The following STARD9 variants were observed in gnomAD, a reference collection of about 807,000 sequenced individuals.
STARD9 encodes stAR-related lipid transfer protein 9.
STARD9 carries 346 observed loss-of-function variants against 399.8 expected under a neutral mutation model. That is an observed-to-expected ratio of 0.87 (90% CI 0.79 to 0.95). STARD9 has a LOEUF of 0.95. STARD9 is among the 40% of genes least tolerant of loss of function. The pLI is 0.00. For synonymous variants in STARD9, 2,203 were observed against 2,143.5 expected (o/e 1.03, Z -0.77); for missense variants, 5,832 against 5,667.5 (o/e 1.03, Z -0.93).
At chr15:42,707,492 CAG>C (rs928422838) in intron 26 of STARD9, among the ~76,000 whole-genome samples, 7 of 135,390 alleles carry the variant, frequency 5.2e-5, no homozygotes, top group Admixed American at 4.7e-4. Context: ...TTTTTTGAGA[CAG>C]AGTCTTGCTG....
rs1344482896 is a variant in STARD9 at position 42,691,203 on chromosome 15, T to C, written c.9625T>C (p.Trp3209Arg). 2 of 1,537,268 alleles carry C rather than the reference T, an allele frequency of 1.3e-6. No individual in the cohort carries two copies. The highest frequency in any genetic ancestry group is 1.7e-6 in the Non-Finnish European group (2 of 1,146,908). ...CTGCAGCCCCCAGGAAGACAGTCCCTGGCAGGAAGAAGAGCAGCACAGAGA... is the reference window on the plus strand; with the variant it reads ...CTGCAGCCCCCAGGAAGACAGTCCCCGGCAGGAAGAAGAGCAGCACAGAGA... ...HTCSPQEDSP[W>R]QEEEQHRDQA... The change falls in exon 23 of 33, where the codon TGG (tryptophan) becomes CGG (arginine). Residue 3209 changes from tryptophan to arginine, a missense_variant. Trp to Arg is a moderately radical substitution (Grantham distance 101, BLOSUM62 -3). Around this residue, in one of 2 missense-constraint regions of STARD9, gnomAD observed 5,828 missense variants for 5,651.1 expected, o/e 1.03. Transcript: ENST00000290607.
chr15:42,639,712 A>G (rs931600620), intron 7 of STARD9, among the ~76,000 whole-genome samples: 1 of 152,040 alleles, frequency 6.6e-6, no homozygotes, highest in Non-Finnish European at 1.5e-5. Flanking sequence ...AAAATACAAA[A>G]GATTAGCTGG....
In STARD9 at chr15:42,684,238, C is replaced by G; in HGVS notation, c.2660C>G (p.Thr887Arg). The G allele has an allele frequency of 6.5e-7, 1 of 1,537,294 alleles. No homozygotes were observed. Among genetic ancestry groups the G allele is most frequent in the Non-Finnish European group, 8.7e-7 (1 of 1,146,924 alleles). ...CAGGCTGCTTCCTACCCTGCAAGGA[C>G]AGGGTGCCTCCGCAAGAACGGCCTG... ...LPQAASYPARTGCLRKNGLHS... is the reference protein window; with the variant it reads ...LPQAASYPARRGCLRKNGLHS... Residue 887 changes from threonine (T) to arginine (R), a missense_variant, in exon 23 of 33, where the codon ACA (threonine) becomes AGA (arginine). By Grantham distance (71) the Thr-to-Arg change is moderately conservative (BLOSUM62 -1). Transcript: ENST00000290607.
chr15:42,696,446 A>T (rs1485176761), intron 26 of STARD9, among the ~76,000 whole-genome samples: 1 of 152,212 alleles, frequency 6.6e-6, no homozygotes, highest in African/African-American at 2.4e-5. Context: ...AAAGAGCGAG[A>T]TGGGAAAATG....
At position 42,634,553 on chromosome 15, in the gene STARD9, A is replaced by G. The variant is rs533349467; in HGVS notation, c.235-303A>G. ...AGAGATACAGAATTATTTTGCTTGC[A>G]TATCTTTGCTCTTCTACACTCTCTT... On this transcript the variant is annotated intron_variant, in intron 3 of 32. Transcript: ENST00000290607. 1.1e-4 allele frequency among the ~76,000 whole-genome samples: 17 copies of G among 152,308 alleles called. No homozygotes were observed. In the South Asian group the frequency reaches 2.7e-3, roughly 24 times the overall value.
chr15:42,663,398 G>T lies in STARD9; in HGVS notation c.986G>T (p.Arg329Leu), dbSNP rs567604142. ...SGTSSGGAPS[R>L]RQSYIPYRDS... The stretch of plus-strand genomic sequence containing the variant: ...ACCAGCAGTGGAGGGGCACCCTCCC[G>T]AAGGCAGTCTTATATCCCATACCGA... The change falls in exon 12 of 33, where the codon CGA becomes CTA. Residue 329 changes from arginine (R) to leucine (L), a missense_variant. Physicochemically the swap from Arg to Leu is moderately radical, Grantham distance 102. Transcript: ENST00000290607. The T allele has an allele frequency of 6.5e-6, 10 of 1,537,140 alleles. No individual in the cohort carries two copies. The highest frequency in any genetic ancestry group is 1.7e-4 in the Middle Eastern group (1 of 6,012).
intron 1 of STARD9, among the ~76,000 whole-genome samples, chr15:42,577,604 T>C (rs2058084881): frequency 6.6e-6 from 1 of 152,212 alleles, no homozygotes; most frequent in Admixed American, 6.5e-5. Flanking sequence ...GTTAAGAGCC[T>C]TGAGCAGCAA....
rs190954361 is a variant in STARD9 at position 42,685,742 on chromosome 15, A to G, written c.4164A>G (p.Ala1388=). The G allele has an allele frequency of 2.0e-6, 3 of 1,537,478 alleles. No homozygotes were observed. The highest frequency in any genetic ancestry group is 3.9e-5 in the Admixed American group (2 of 51,002). ...PNTEELKPSD[A]ETVLPYSSKL... is the part of the protein sequence containing the mutation. ...CTGAGGAACTAAAGCCATCAGATGC[A>G]GAAACGGTTCTGCCATATAGCTCCA... Residue 1388 remains alanine (A), a synonymous_variant, in exon 23 of 33, where the codon GCA becomes GCG. Coordinates refer to ENST00000290607, the MANE Select transcript of STARD9 (RefSeq NM_020759.3).
At position 42,687,291 on chromosome 15, in the gene STARD9, G is replaced by A. The variant is rs1380425451; in HGVS notation, c.5713G>A (p.Gly1905Arg). 6 of 1,536,742 alleles carry A rather than the reference G, an allele frequency of 3.9e-6. No individual in the cohort carries two copies. The highest frequency in any genetic ancestry group is 1.4e-5 in the African/African-American group (1 of 73,048). Residue 1905 changes from glycine to arginine, a missense_variant, in exon 23 of 33, where the codon GGG becomes AGG. Coordinates refer to ENST00000290607, the MANE Select transcript of STARD9 (RefSeq NM_020759.3). Reference sequence around the variant, plus strand: ...TGCTTCCTCAGACAGCACTGAGTCTGGGAAGTCTCTCCTCTTTCGTGAATC... The same window carrying A: ...TGCTTCCTCAGACAGCACTGAGTCTAGGAAGTCTCTCCTCTTTCGTGAATC... ...CGASSDSTES[G>R]KSLLFRESEA...
intron 7 of STARD9, among the ~76,000 whole-genome samples, chr15:42,642,348 C>T (rs187874698): frequency 1.1e-4 from 16 of 152,246 alleles, no homozygotes; most frequent in African/African-American, 3.6e-4. Flanking sequence ...ATTTATTAGT[C>T]GAGAGATTAA....
rs1252594372 is a variant in STARD9, at chr15:42,638,759, A to G, written c.506A>G (p.Lys169Arg). 6.5e-7 allele frequency: 1 copy of G among 1,536,852 alleles called. No homozygotes were observed. Among genetic ancestry groups the G allele is most frequent in the Non-Finnish European group, 8.7e-7 (1 of 1,146,610 alleles). ...RDLLKQSGQK[K>R]SYTLRVREHP... Reference sequence around the variant, plus strand: ...CTGTTGAAGCAATCTGGTCAAAAAAAGTCCTATACCCTGCGGGTCAGGGAG... The same window carrying G: ...CTGTTGAAGCAATCTGGTCAAAAAAGGTCCTATACCCTGCGGGTCAGGGAG... Residue 169 changes from lysine (K) to arginine (R), a missense_variant, in exon 7 of 33, where the codon AAG (lysine) becomes AGG (arginine). This residue lies in a region of STARD9 where 5,828 missense variants were observed against 5,651.1 expected (regional missense o/e 1.03). Transcript: ENST00000290607.
intron 28 of STARD9, among the ~76,000 whole-genome samples, chr15:42,717,404 CTTGAGTCCAGGAGT>C (rs1209494190): frequency 2.6e-5 from 4 of 152,036 alleles, no homozygotes; most frequent in Non-Finnish European, 5.9e-5. Flanking sequence ...GGGAAGATTG[CTTGAGTCCAGGAGT>C]TCAAGACCAG....
At position 42,690,034 on chromosome 15, in the gene STARD9, G is replaced by A. The variant is rs1297685226; in HGVS notation, c.8456G>A (p.Cys2819Tyr). ...CATTTTGAAAGTCAGTCTGTGACCT[G>A]TGATGTTCAGAATTCTACAAGTGCC... ...TAHFESQSVT[C>Y]DVQNSTSASG... The change falls in exon 23 of 33, where the codon TGT (cysteine) becomes TAT (tyrosine). Residue 2819 changes from cysteine (C) to tyrosine (Y), a missense_variant. Physicochemically the swap from Cys to Tyr is radical, Grantham distance 194. This residue lies in a region of STARD9 where 5,828 missense variants were observed against 5,651.1 expected (regional missense o/e 1.03). Transcript: ENST00000290607. 3.9e-6 allele frequency: 6 copies of A among 1,537,386 alleles called. No individual in the cohort carries two copies. The Admixed American group carries it at 1.2e-4, about 30-fold the overall frequency.
chr15:42,630,599 T>G (rs746652730), intron 3 of STARD9, among the ~76,000 whole-genome samples: 3 of 152,170 alleles, frequency 2.0e-5, no homozygotes, highest in Non-Finnish European at 4.4e-5. Flanking sequence ...TTATTACAGC[T>G]TCATTACTTG....
At chr15:42,575,874 C>T (rs930157439) in intron 1 of STARD9, 112 bp downstream of exon 1, 1 of 1,219,944 alleles carries the variant, frequency 8.2e-7, no homozygotes, top group Non-Finnish European at 1.2e-6. Context: ...GACAAAGTGA[C>T]CCGGGGGGTC....
At position 42,708,812 on chromosome 15, in the gene STARD9, T is replaced by A. The variant is rs184710173; in HGVS notation, c.13285-7865T>A. On this transcript the variant is annotated intron_variant, in intron 26 of 32. Coordinates refer to ENST00000290607, the MANE Select transcript of STARD9 (RefSeq NM_020759.3). ...AAGGATCGTGTCTGTGGTTTTCTTA[T>A]GGTTGGATTGAAGTTATGCGTTTTT... 4.6e-5 allele frequency among the ~76,000 whole-genome samples: 7 copies of A among 152,288 alleles called. No homozygotes were observed. The East Asian group carries it at 1.4e-3, about 29-fold the overall frequency.
intron 26 of STARD9, among the ~76,000 whole-genome samples, chr15:42,704,003 G>T (rs998117338): frequency 5.3e-5 from 8 of 152,134 alleles, no homozygotes; most frequent in Non-Finnish European, 8.8e-5. Flanking sequence ...CGCCTCCCGG[G>T]TTCAAGCGAT....
At chr15:42,644,175 T>G (rs2059600120) in intron 7 of STARD9, among the ~76,000 whole-genome samples, 1 of 152,250 alleles carries the variant, frequency 6.6e-6, no homozygotes, top group African/African-American at 2.4e-5. Flanking sequence ...TTTTATTAAG[T>G]ACGAAGTAGC....
chr15:42,663,184 A>G (rs753763367), intron 11 of STARD9, 97 bp from the exon 12 acceptor site: 2 of 1,120,814 alleles, frequency 1.8e-6, no homozygotes, highest in African/African-American at 1.6e-5. Context: ...ATTAGGAAAT[A>G]TGATACTTAA....
Sources: gnomAD v4.1 joint callset for allele counts (sites outside exome capture counted in the v4.1 genomes callset) on GRCh38, gnomAD v4.1.1 for gene constraint, gnomAD v4.1.1 regional missense constraint, MANE v1.5 for transcripts, NCBI Gene and HGNC (gene_info 2026-07-23, HGNC 2026-07-21) for gene names.